GABRG3: variants seen among roughly 807,000 people sequenced by gnomAD.
GABRG3 encodes the protein gamma-aminobutyric acid receptor subunit gamma-3.
GABRG3 carries 25 observed loss-of-function variants against 48.8 expected under a neutral mutation model. That is an observed-to-expected ratio of 0.51 (90% CI 0.37 to 0.72). The LOEUF is 0.72. Ranked by LOEUF, GABRG3 falls within the 30% of genes least tolerant of loss-of-function variation. The pLI, the probability that GABRG3 is intolerant of heterozygous loss-of-function variation, is 0.00. For synonymous variants in GABRG3, 227 were observed against 217.6 expected, an observed-to-expected ratio of 1.04 and a Z score of -0.38; for missense variants, 394 against 577.9, an observed-to-expected ratio of 0.68 and a Z score of 3.26.
At chr15:27,059,832 C>T (rs1247492939) in intron 3 of GABRG3, among the ~76,000 whole-genome samples, 1 of 152,158 alleles carries the variant, frequency 6.6e-6, no homozygotes, top group African/African-American at 2.4e-5. Context: ...AATGTCTGCA[C>T]CAATCACCAG....
At chr15:27,448,424 C>T (rs1167763589) in intron 5 of GABRG3, among the ~76,000 whole-genome samples, 1 of 152,166 alleles carries the variant, frequency 6.6e-6, no homozygotes, top group Non-Finnish European at 1.5e-5. Context: ...CAACCCATTT[C>T]ATGTGAATAC....
At chr15:27,492,135 A>G (rs1890371474) in intron 6 of GABRG3, among the ~76,000 whole-genome samples, 2 of 152,142 alleles carry the variant, frequency 1.3e-5, no homozygotes, top group South Asian at 4.1e-4. Flanking sequence ...GTCAGGACTA[A>G]TTATGCTCAA....
rs1236893346 is a variant in GABRG3 at position 27,307,476 on chromosome 15, CAT to C, written c.271-19331_271-19330del. Among the ~76,000 whole-genome samples, 121 of 17,842 alleles carry C rather than the reference CAT, an allele frequency of 6.8e-3. 9 individuals are homozygous for C. The highest frequency in any genetic ancestry group is 0.023 in the African/African-American group (98 of 4,274). 11.7% of individuals were successfully genotyped at this position (17,842 alleles called of 152,430 possible). On this transcript the variant is annotated intron_variant, in intron 3 of 9. Transcript: ENST00000615808. The stretch of plus-strand genomic sequence containing the variant: ...ATAGGTTTATATATTTATATATAAA[CAT>C]AGGTTTATAGGTTTATATATTTATA...
At chr15:27,417,826 G>C (rs1887988029) in intron 5 of GABRG3, among the ~76,000 whole-genome samples, 1 of 152,218 alleles carries the variant, frequency 6.6e-6, no homozygotes, top group African/African-American at 2.4e-5. Context: ...GTAGCTGGTG[G>C]CTTGGTGCAC....
intron 3 of GABRG3, among the ~76,000 whole-genome samples, chr15:27,171,553 T>C (rs12903197): frequency 2.7e-5 from 4 of 148,332 alleles, no homozygotes; most frequent in African/African-American, 9.9e-5. Context: ...CATGTATATA[T>C]ATGTATATGT....
rs866532128 is a variant in GABRG3, at chr15:27,004,251, A to G, written c.203-22503A>G. ...TCAGATGGGGCAGTTGCCAGGCAGAAGGTCTCCTCACTTCTCAGACGGGGC... is the reference window on the plus strand; with the variant it reads ...TCAGATGGGGCAGTTGCCAGGCAGAGGGTCTCCTCACTTCTCAGACGGGGC... On this transcript the variant is annotated intron_variant, in intron 2 of 9. Coordinates refer to ENST00000615808, the MANE Select transcript of GABRG3 (RefSeq NM_033223.5). Among the ~76,000 whole-genome samples the G allele has an allele frequency of 3.6e-4, 52 of 145,542 alleles. 2 individuals are homozygous for G. Among genetic ancestry groups the G allele is most frequent in the Middle Eastern group, 7.9e-3 (2 of 254 alleles).
chr15:27,297,375 A>G (rs1892031445), intron 3 of GABRG3, among the ~76,000 whole-genome samples: 1 of 152,204 alleles, frequency 6.6e-6, no homozygotes, highest in African/African-American at 2.4e-5. Context: ...CTCAGCATTC[A>G]TTCACTGACT....
chr15:27,208,792 G>C (rs1888966562), intron 3 of GABRG3, among the ~76,000 whole-genome samples: 1 of 152,194 alleles, frequency 6.6e-6, no homozygotes, highest in Non-Finnish European at 1.5e-5. Context: ...GAATGAATGA[G>C]TGCTGCTGAG....
chr15:27,128,410 T>C (rs907820364), intron 3 of GABRG3, among the ~76,000 whole-genome samples: 1 of 152,158 alleles, frequency 6.6e-6, no homozygotes, highest in East Asian at 1.9e-4. Context: ...ACCGGAATTA[T>C]TTAAAATAAT....
rs1008328044 is a variant in GABRG3, at chr15:27,114,166, C to T, written c.270+87345C>T. On this transcript the variant is annotated intron_variant, in intron 3 of 9. Coordinates refer to ENST00000615808, the MANE Select transcript of GABRG3 (RefSeq NM_033223.5). ...AAAGATGCTCTAGGCTTGTCTCGTACATTTCTTGGCTCAAACATAGAATGA... is the reference window on the plus strand; with the variant it reads ...AAAGATGCTCTAGGCTTGTCTCGTATATTTCTTGGCTCAAACATAGAATGA... Among the ~76,000 whole-genome samples the T allele has an allele frequency of 4.6e-5, 7 of 152,282 alleles. No homozygotes were observed. The East Asian group carries it at 9.7e-4, about 21-fold the overall frequency.
intron 3 of GABRG3, among the ~76,000 whole-genome samples, chr15:27,076,393 G>A (rs903763062): frequency 1.8e-4 from 26 of 144,276 alleles, no homozygotes; most frequent in Non-Finnish European, 3.4e-4. Context: ...GCATGATCTC[G>A]GCTCACTGCA....
intron 5 of GABRG3, among the ~76,000 whole-genome samples, chr15:27,379,629 T>C (rs1185486951): frequency 1.3e-5 from 2 of 152,232 alleles, no homozygotes; most frequent in African/African-American, 4.8e-5. Flanking sequence ...CAAATGTTCT[T>C]AATTTTTATC....
intron 9 of GABRG3, 28 bp from the exon 10 acceptor site, chr15:27,532,572 G>C: frequency 6.2e-7 from 1 of 1,607,698 alleles, no homozygotes; most frequent in Non-Finnish European, 8.5e-7. Flanking sequence ...TTTTACAATG[G>C]TTGTTGTGTC....
chr15:27,305,706 CTA>C (rs1359806248), intron 3 of GABRG3, among the ~76,000 whole-genome samples: 4 of 39,058 alleles, frequency 1.0e-4, no homozygotes, highest in African/African-American at 1.8e-4. Flanking sequence ...TAATATAAAC[CTA>C]TATGTTTATA....
At chr15:27,187,147 G>A (rs540727842) in intron 3 of GABRG3, among the ~76,000 whole-genome samples, 108 of 152,244 alleles carry the variant, frequency 7.1e-4, no homozygotes, top group African/African-American at 2.4e-3. Context: ...GTGGCTGGCA[G>A]ACCAGTTATC....
chr15:27,330,304 T>C (rs1893760954), intron 5 of GABRG3, among the ~76,000 whole-genome samples: 2 of 152,228 alleles, frequency 1.3e-5, no homozygotes, highest in Non-Finnish European at 2.9e-5. Flanking sequence ...TGATGAAATC[T>C]CATGTAGAAG....
At chr15:27,123,777 G>A (rs546626551) in intron 3 of GABRG3, among the ~76,000 whole-genome samples, 21 of 152,280 alleles carry the variant, frequency 1.4e-4, no homozygotes, top group Admixed American at 1.4e-3. Context: ...ACACACACGA[G>A]GATGATAATG....
Position 27,447,290 on chromosome 15 carries a change from G to C in GABRG3, c.575-33360G>C, listed in dbSNP as rs541222336. On this transcript the variant is annotated intron_variant, in intron 5 of 9. Transcript: ENST00000615808. This position sits in a 1 kb window ranked among gnomAD's most constrained non-coding sequence, Gnocchi z 4.0. ...CATCAGACTAACCTGCAGCACCCCA[G>C]GGAAAGGAGTCGAGCATGGCTGAGA... Among the ~76,000 whole-genome samples, 1 of 152,284 alleles carries C rather than the reference G, an allele frequency of 6.6e-6. No individual in the cohort carries two copies. Among genetic ancestry groups the C allele is most frequent in the South Asian group, 2.1e-4 (1 of 4,830 alleles).
chr15:27,459,456 TTGG>T (rs1889385084), intron 5 of GABRG3, among the ~76,000 whole-genome samples: 1 of 152,256 alleles, frequency 6.6e-6, no homozygotes, highest in African/African-American at 2.4e-5. Context: ...ATTGTGCCTG[TTGG>T]TAACACTACT....
Sources: allele counts gnomAD v4.1 joint callset (sites outside exome capture counted in the v4.1 genomes callset), GRCh38; gene constraint gnomAD v4.1.1; non-coding constraint Gnocchi (gnomAD v3.1); transcripts MANE v1.5; gene names NCBI Gene and HGNC (gene_info 2026-07-23, HGNC 2026-07-21).